EYS: variants seen among roughly 807,000 people sequenced by gnomAD.
EYS encodes EGF-like photoreceptor maintenance factor.
Under a neutral mutation model 282.1 loss-of-function variants are expected in EYS, and 250 were observed. The observed-to-expected ratio is 0.89, with a 90% CI of 0.80 to 0.98. EYS has a LOEUF of 0.98. EYS is among the 50% of genes least tolerant of loss of function. The pLI is 0.00. For missense variants in EYS, 4,016 were observed against 3,709.0 expected (o/e 1.08, Z -2.15); for synonymous variants, 1,355 against 1,282.9 (o/e 1.06, Z -1.20).
At chr6:64,742,676 C>G (rs1057173407) in intron 22 of EYS, among the ~76,000 whole-genome samples, 1 of 152,090 alleles carries the variant, frequency 6.6e-6, no homozygotes, top group Non-Finnish European at 1.5e-5. Flanking sequence ...CAGGTGCATA[C>G]TTATTCTCAA....
chr6:63,852,473 A>T (rs1772284507), intron 36 of EYS, among the ~76,000 whole-genome samples: 1 of 152,218 alleles, frequency 6.6e-6, no homozygotes, highest in Admixed American at 6.5e-5. Flanking sequence ...CAAGTTCTGA[A>T]ATTGAGACCA....
intron 5 of EYS, among the ~76,000 whole-genome samples, chr6:65,433,171 A>G (rs1767945588): frequency 6.6e-6 from 1 of 152,222 alleles, no homozygotes; most frequent in Non-Finnish European, 1.5e-5. Flanking sequence ...GTTTTTAAAT[A>G]TATAAAACTA....
chr6:63,813,568 T>A (rs1771101973), intron 36 of EYS, among the ~76,000 whole-genome samples: 1 of 152,176 alleles, frequency 6.6e-6, no homozygotes, highest in Non-Finnish European at 1.5e-5. Context: ...AACTTTTAAG[T>A]GTTTTCAAGA....
intron 12 of EYS, among the ~76,000 whole-genome samples, chr6:65,192,619 T>C (rs564960103): frequency 6.1e-4 from 92 of 151,908 alleles, no homozygotes; most frequent in Middle Eastern, 3.4e-3. Flanking sequence ...CAGTCTACTA[T>C]GGTTTGAATG....
intron 8 of EYS, among the ~76,000 whole-genome samples, chr6:65,358,942 A>T (rs1466509130): frequency 1.3e-5 from 2 of 152,018 alleles, no homozygotes; most frequent in African/African-American, 4.8e-5. Context: ...TCAGCATTTG[A>T]TCTATTTCTT....
chr6:64,214,319 G>A (rs1416703690), intron 31 of EYS, among the ~76,000 whole-genome samples: 2 of 152,036 alleles, frequency 1.3e-5, no homozygotes, highest in African/African-American at 4.8e-5. Flanking sequence ...GCCAATATAT[G>A]ACAGATGTGC....
At chr6:64,724,931 C>T (rs1771704132) in intron 22 of EYS, among the ~76,000 whole-genome samples, 1 of 151,780 alleles carries the variant, frequency 6.6e-6, no homozygotes, top group Non-Finnish European at 1.5e-5. Context: ...TTCTAGTATA[C>T]CCAAATAAGC....
intron 19 of EYS, among the ~76,000 whole-genome samples, chr6:64,841,002 C>T (rs1394424304): frequency 1.3e-5 from 2 of 152,062 alleles, no homozygotes; most frequent in African/African-American, 4.8e-5. Context: ...CATTGCTCTT[C>T]AAACTTTATT....
intron 36 of EYS, among the ~76,000 whole-genome samples, chr6:63,834,147 G>T (rs187203875): frequency 1.2e-4 from 18 of 152,140 alleles, no homozygotes; most frequent in South Asian, 4.1e-4. Flanking sequence ...GACATAGGCA[G>T]GGGCAAGGAC....
At chr6:64,684,598 TAG>T (rs144985094) in intron 22 of EYS, among the ~76,000 whole-genome samples, 2 of 151,652 alleles carry the variant, frequency 1.3e-5, no homozygotes, top group Non-Finnish European at 2.9e-5. Context: ...AAAAAATATA[TAG>T]AGAGAGAGAT....
At chr6:65,682,641 A>C (rs1768874238) in intron 1 of EYS, among the ~76,000 whole-genome samples, 1 of 151,980 alleles carries the variant, frequency 6.6e-6, no homozygotes, top group South Asian at 2.1e-4. Context: ...AAGAGCTATA[A>C]GACACAGTAA....
At chr6:65,626,835 A>G (rs1766710479) in intron 2 of EYS, among the ~76,000 whole-genome samples, 1 of 151,720 alleles carries the variant, frequency 6.6e-6, no homozygotes, top group African/African-American at 2.4e-5. Context: ...GCAGTGTTTT[A>G]TGTATTGTAT....
chr6:64,001,736 C>T (rs147954541), intron 33 of EYS, among the ~76,000 whole-genome samples: 195 of 152,022 alleles, frequency 1.3e-3, no homozygotes, highest in African/African-American at 4.5e-3. Context: ...AAGATATTTG[C>T]GTGAAATAGA....
chr6:64,257,760 T>G (rs976266863), intron 30 of EYS, among the ~76,000 whole-genome samples: 3 of 126,064 alleles, frequency 2.4e-5, no homozygotes, highest in Non-Finnish European at 3.4e-5. Context: ...CTGCAATGAA[T>G]GGTGTGGATG....
chr6:64,853,257 C>G (rs1393339709), intron 19 of EYS, among the ~76,000 whole-genome samples: 1 of 152,044 alleles, frequency 6.6e-6, no homozygotes, highest in Non-Finnish European at 1.5e-5. Context: ...AAGTCCTTAT[C>G]TTATGTGACA....
chr6:64,030,964 G>C (rs1055996516), intron 33 of EYS, among the ~76,000 whole-genome samples: 1 of 152,240 alleles, frequency 6.6e-6, no homozygotes, highest in Non-Finnish European at 1.5e-5. Context: ...CCCAACAGCA[G>C]TTGGGGTGTC....
intron 1 of EYS, among the ~76,000 whole-genome samples, chr6:65,682,518 G>T (rs6906385): frequency 0.15 from 22,270 of 151,694 alleles, 1,836 homozygotes; most frequent in South Asian, 0.29. Flanking sequence ...TTAAAATATA[G>T]TTATTTCTTG....
At chr6:63,984,951 A>G (rs1447802379) in intron 34 of EYS, among the ~76,000 whole-genome samples, 4 of 151,786 alleles carry the variant, frequency 2.6e-5, no homozygotes, top group Non-Finnish European at 5.9e-5. Flanking sequence ...AAAAGAAAAT[A>G]AAGCCATGTT....
chr6:64,505,995 C>A (rs1049458268), intron 26 of EYS, among the ~76,000 whole-genome samples: 5 of 152,106 alleles, frequency 3.3e-5, no homozygotes, highest in African/African-American at 1.2e-4. Flanking sequence ...GAAATGTGGT[C>A]CTTTCAACAT....
Sources: allele counts gnomAD v4.1 joint callset (sites outside exome capture counted in the v4.1 genomes callset), GRCh38; gene constraint gnomAD v4.1.1; transcripts MANE v1.5; gene names NCBI Gene and HGNC (gene_info 2026-07-23, HGNC 2026-07-21).